Variants in FBLN2 observed in about 807,000 individuals in gnomAD.
The protein encoded by FBLN2 is fibulin-2.
A neutral mutation model predicts 123.7 loss-of-function variants in FBLN2; 81 were observed. The observed-to-expected ratio is 0.65, with a 90% confidence interval of 0.55 to 0.79. The LOEUF (loss-of-function observed/expected upper bound fraction) is 0.79, where lower values mean the gene tolerates loss of function less well. Ranked by LOEUF, FBLN2 falls within the 30% of genes least tolerant of loss-of-function variation. FBLN2 has a pLI of 0.00. For missense variants in FBLN2, 1,603 were observed against 1,681.3 expected, an observed-to-expected ratio of 0.95 and a Z score of 0.81; for synonymous variants, 699 against 701.4, an observed-to-expected ratio of 1.00 and a Z score of 0.05.
At chr3:13,582,969 C>T (rs1229545326) in intron 2 of FBLN2, among the ~76,000 whole-genome samples, 1 of 152,266 alleles carries the variant, frequency 6.6e-6, no homozygotes, top group Non-Finnish European at 1.5e-5. Flanking sequence ...AGGGGCCGTT[C>T]CGCTGCTATG....
chr3:13,596,725 C>A (rs1704854235), intron 2 of FBLN2, among the ~76,000 whole-genome samples: 1 of 152,200 alleles, frequency 6.6e-6, no homozygotes, highest in Middle Eastern at 3.4e-3. Context: ...TATCCCCACT[C>A]CCAGCCCTTG....
At chr3:13,554,177 G>A (rs1703402782) in intron 1 of FBLN2, among the ~76,000 whole-genome samples, 1 of 152,264 alleles carries the variant, frequency 6.6e-6, no homozygotes, top group Non-Finnish European at 1.5e-5. Flanking sequence ...CCACTCTGGG[G>A]AGGCGGACAG....
intron 2 of FBLN2, among the ~76,000 whole-genome samples, chr3:13,585,469 G>A (rs1380918592): frequency 1.3e-5 from 2 of 152,158 alleles, no homozygotes; most frequent in African/African-American, 2.4e-5. Context: ...GCTGCATAAT[G>A]ACATTTCCAT....
intron 13 of FBLN2, 148 bp downstream of exon 13, chr3:13,629,440 T>C: frequency 8.7e-7 from 1 of 1,142,924 alleles, no homozygotes; most frequent in Non-Finnish European, 1.2e-6. Context: ...GCTGGCCTCA[T>C]CCTCCTGCTG....
chr3:13,633,768 C>T (rs1216614385), intron 16 of FBLN2, among the ~76,000 whole-genome samples: 4 of 152,186 alleles, frequency 2.6e-5, no homozygotes, highest in South Asian at 2.1e-4. Flanking sequence ...GCCCTCTCAC[C>T]TGGCATGCAC....
intron 2 of FBLN2, among the ~76,000 whole-genome samples, chr3:13,576,558 G>T (rs1704150768): frequency 6.6e-6 from 1 of 152,230 alleles, no homozygotes; most frequent in Non-Finnish European, 1.5e-5. Context: ...ATGAGTGAAG[G>T]CACAAAGATT....
In FBLN2 at chr3:13,583,742, A is replaced by G. The variant is rs567386377; in HGVS notation, c.1306+12081A>G. Among the ~76,000 whole-genome samples, 4 of 152,340 alleles carry G rather than the reference A, an allele frequency of 2.6e-5. No homozygotes were observed. The South Asian group carries it at 8.3e-4, about 32-fold the overall frequency. On this transcript the variant is annotated intron_variant, in intron 2 of 17. Transcript: ENST00000404922. The stretch of plus-strand genomic sequence containing the variant: ...TTTTGGTCAGTGATAGACCCCATAT[A>G]TAAAGGTGGGATTAGCAGGTAGGCA...
intron 1 of FBLN2, among the ~76,000 whole-genome samples, chr3:13,564,532 C>G (rs1475703280): frequency 2.0e-5 from 3 of 152,230 alleles, no homozygotes; most frequent in Non-Finnish European, 4.4e-5. Context: ...AAATACTGTA[C>G]AGGACATCCT....
At chr3:13,636,999 G>C (rs897054572) in intron 17 of FBLN2, among the ~76,000 whole-genome samples, 3 of 152,200 alleles carry the variant, frequency 2.0e-5, no homozygotes, top group African/African-American at 4.8e-5. Flanking sequence ...ATGGGGCTCT[G>C]GGCAGGAGGC....
intron 2 of FBLN2, among the ~76,000 whole-genome samples, chr3:13,589,641 C>G (rs1002255909): frequency 6.6e-6 from 1 of 152,178 alleles, no homozygotes; most frequent in Non-Finnish European, 1.5e-5. Context: ...GACACTGTAT[C>G]TTGCAACTCT....
chr3:13,619,838 G>A lies in FBLN2; in HGVS notation c.2155+7G>A, dbSNP rs1225881540. The stretch of plus-strand genomic sequence containing the variant: ...GATGGCGTGTCCTGTGAAGGTGAGT[G>A]CCTTGGGGTGCCCTCCTACCTGTGC... On this transcript the variant is annotated splice_region_variant and intron_variant, in intron 8 of 17. Transcript: ENST00000404922. 2.5e-6 allele frequency: 4 copies of A among 1,606,716 alleles called. No individual in the cohort carries two copies. The highest frequency in any genetic ancestry group is 3.4e-6 in the Non-Finnish European group (4 of 1,176,646).
chr3:13,601,372 T>A (rs2124870673), intron 2 of FBLN2, among the ~76,000 whole-genome samples: 2 of 152,290 alleles, frequency 1.3e-5, no homozygotes, highest in African/African-American at 4.8e-5. Context: ...AGTATTCAAA[T>A]AAGGAGAGTC....
chr3:13,633,954 A>ACACACACACACACAC (rs1706354642), intron 16 of FBLN2, among the ~76,000 whole-genome samples: 22 of 112,830 alleles, frequency 1.9e-4, no homozygotes, highest in Admixed American at 1.9e-3. Context: ...ACACACTGCA[A>ACACACACACACACAC]ACACACACAC....
chr3:13,613,449 C>T (rs1299840674), intron 4 of FBLN2, among the ~76,000 whole-genome samples: 2 of 152,186 alleles, frequency 1.3e-5, no homozygotes, highest in Non-Finnish European at 2.9e-5. Context: ...ACCTAGTCTT[C>T]TATTTTTATG....
In FBLN2 at chr3:13,637,942, G is replaced by C. The variant is rs556247082; in HGVS notation, c.*23G>C. 4.8e-5 allele frequency: 75 copies of C among 1,554,610 alleles called. 3 individuals are homozygous for C. The South Asian group carries it at 8.7e-4, about 18-fold the overall frequency. On this transcript the variant is annotated 3_prime_UTR_variant, in exon 18 of 18. Coordinates refer to ENST00000404922, the MANE Select transcript of FBLN2 (RefSeq NM_001004019.2). ...TGAGGTGCCAGCACGGGCCACCTGC[G>C]GGTGTGGCGCAGCCCAGGGCTCACA...
At chr3:13,617,688 C>G (rs1307165149) in intron 5 of FBLN2, among the ~76,000 whole-genome samples, 2 of 121,316 alleles carry the variant, frequency 1.6e-5, no homozygotes, top group Admixed American at 1.6e-4. Context: ...TCCATCTAAC[C>G]ATCCATCCAT....
At chr3:13,557,574 G>A (rs938683982) in intron 1 of FBLN2, among the ~76,000 whole-genome samples, 23 of 152,316 alleles carry the variant, frequency 1.5e-4, no homozygotes, top group African/African-American at 5.5e-4. Flanking sequence ...GTGGTCAGGT[G>A]CCCCAGCAGC....
At position 13,637,688 on chromosome 3, in the gene FBLN2, C is replaced by T. The variant is rs770096274; in HGVS notation, c.3465C>T (p.Pro1155=). The stretch of plus-strand genomic sequence containing the variant: ...CTGCGCATATCTTCCGCATTGGCCC[C>T]GCGCCAGCCTTCACGGGGGACACCA... ...LVPAHIFRIG[P]APAFTGDTIA... is the part of the protein sequence containing the mutation. Residue 1155 remains proline, a synonymous_variant, in exon 18 of 18, where the codon CCC becomes CCT. Coordinates refer to ENST00000404922, the MANE Select transcript of FBLN2 (RefSeq NM_001004019.2). The T allele has an allele frequency of 3.9e-5, 63 of 1,613,854 alleles. No individual in the cohort carries two copies. Among genetic ancestry groups the T allele is most frequent in the African/African-American group, 6.7e-5 (5 of 74,940 alleles).
At chr3:13,600,002 A>C (rs1704970398) in intron 2 of FBLN2, among the ~76,000 whole-genome samples, 1 of 150,718 alleles carries the variant, frequency 6.6e-6, no homozygotes, top group African/African-American at 2.4e-5. Flanking sequence ...GTGCTCAGGA[A>C]GTTAAAAAAC....
Sources: allele counts gnomAD v4.1 joint callset (sites outside exome capture counted in the v4.1 genomes callset), GRCh38; gene constraint gnomAD v4.1.1; transcripts MANE v1.5; gene names NCBI Gene and HGNC (gene_info 2026-07-23, HGNC 2026-07-21).